Variants in LRRK2 observed in about 807,000 individuals in gnomAD.
The protein encoded by LRRK2 is leucine-rich repeat serine/threonine-protein kinase 2.
LRRK2 carries 203 observed loss-of-function variants against 302.6 expected under a neutral mutation model. The ratio of observed to expected loss-of-function variants is 0.67; its 90% CI spans 0.60 to 0.75. LRRK2 has a LOEUF of 0.75. Ranked by LOEUF, LRRK2 falls within the 30% of genes least tolerant of loss-of-function variation. The probability of loss-of-function intolerance (pLI) is 0.00; values close to 1 mark genes in which losing one functional copy is unlikely to be tolerated. For synonymous variants in LRRK2, 1,066 were observed against 1,031.9 expected (o/e 1.03, Z -0.63); for missense variants, 2,830 against 2,951.0 (o/e 0.96, Z 0.95).
chr12:40,327,827 C>T (rs924900759), intron 38 of LRRK2, among the ~76,000 whole-genome samples: 2 of 152,034 alleles, frequency 1.3e-5, no homozygotes, highest in Admixed American at 6.6e-5. Flanking sequence ...CACTGTTAGC[C>T]GTGGGGTTAG....
Position 40,369,044 on chromosome 12 carries a change from T to G in LRRK2, c.*1279T>G, listed in dbSNP as rs886049369. The G allele has an allele frequency of 6.6e-6, 1 of 151,840 alleles. No homozygotes were observed. The highest frequency in any genetic ancestry group is 1.5e-5 in the Non-Finnish European group (1 of 67,798). 9.4% of individuals were successfully genotyped at this position (151,840 alleles called of 1,614,324 possible). A position where few individuals can be genotyped will look rare whatever the true frequency, so the allele number is the denominator to read the frequency against. ...ATGGCATTTTACTATGTGAAAACTT[T>G]AAATTTATTTATATTAAGGGTAATC... On this transcript the variant is annotated 3_prime_UTR_variant, in exon 51 of 51. Transcript: ENST00000298910.
At chr12:40,310,153 G>A (rs1273483283) in intron 30 of LRRK2, among the ~76,000 whole-genome samples, 1 of 152,122 alleles carries the variant, frequency 6.6e-6, no homozygotes. Flanking sequence ...AAGGCATGAA[G>A]ATGGGAAAGG....
chr12:40,274,812 A>G, intron 15 of LRRK2, 42 bp from the exon 16 acceptor site: 1 of 1,609,486 alleles, frequency 6.2e-7, no homozygotes, highest in Non-Finnish European at 8.5e-7. Flanking sequence ...ATTTTTCTTC[A>G]GTTTTGAGAT....
chr12:40,249,706 GT>G (rs1203282750), intron 7 of LRRK2, 119 bp from the exon 8 acceptor site: 2 of 1,153,186 alleles, frequency 1.7e-6, no homozygotes, highest in Non-Finnish European at 2.5e-6. Flanking sequence ...TAAAGTAAAT[GT>G]TTTAATGCCA....
chr12:40,274,468 G>T (rs767472308), intron 14 of LRRK2, 115 bp from the exon 15 acceptor site: 78 of 1,076,670 alleles, frequency 7.2e-5, no homozygotes, highest in Non-Finnish European at 1.0e-4. Context: ...ACAAAATCAA[G>T]GATACTGATT....
chr12:40,339,396 T>G (rs1328831365), intron 40 of LRRK2, among the ~76,000 whole-genome samples: 6 of 152,200 alleles, frequency 3.9e-5, no homozygotes, highest in Admixed American at 2.0e-4. Context: ...ATAATAACAT[T>G]AGTAGCTGAG....
chr12:40,271,111 C>T (rs1943217268), intron 14 of LRRK2, among the ~76,000 whole-genome samples: 1 of 151,932 alleles, frequency 6.6e-6, no homozygotes, highest in Non-Finnish European at 1.5e-5. Context: ...ATTATTTTAG[C>T]TCTCTTCTTT....
chr12:40,300,028 A>C (rs1187353735), intron 25 of LRRK2, among the ~76,000 whole-genome samples: 1 of 152,192 alleles, frequency 6.6e-6, no homozygotes, highest in Non-Finnish European at 1.5e-5. Flanking sequence ...TAAACTAAAC[A>C]TGCACATGGC....
intron 50 of LRRK2, 106 bp downstream of exon 50, chr12:40,367,183 C>A (rs758931538): frequency 5.2e-6 from 5 of 966,398 alleles, no homozygotes; most frequent in Non-Finnish European, 6.3e-6. Flanking sequence ...ATGGTATAAT[C>A]AGGAATTTTA....
intron 46 of LRRK2, among the ~76,000 whole-genome samples, chr12:40,356,803 A>G (rs772657545): frequency 1.8e-4 from 28 of 152,236 alleles, no homozygotes; most frequent in Non-Finnish European, 3.2e-4. Flanking sequence ...TATTTCGAAT[A>G]TGACCTAAAT....
In LRRK2 at chr12:40,359,275, C is replaced by T. The variant is rs1592341377; in HGVS notation, c.6859C>T (p.Pro2287Ser). 3 of 1,610,348 alleles carry T rather than the reference C, an allele frequency of 1.9e-6. No homozygotes were observed. Among genetic ancestry groups the T allele is most frequent in the Middle Eastern group, 1.7e-4 (1 of 6,020 alleles). Residue 2287 changes from proline to serine, a missense_variant, in exon 47 of 51, where the codon CCT becomes TCT. By Grantham distance (74) the Pro-to-Ser change is moderately conservative. This residue lies in a region of LRRK2 where 456 missense variants were observed against 456.3 expected (regional missense o/e 1.00). Transcript: ENST00000298910. ...DKTVKLKGAAPLKILNIGNVS... is the reference protein window; with the variant it reads ...DKTVKLKGAASLKILNIGNVS... ...TTTGGCAAAGCTTAAAGGAGCTGCT[C>T]CTTTGAAGATACTAAATATAGGAAA...
chr12:40,365,311 A>G, intron 49 of LRRK2: 1 of 404,162 alleles, frequency 2.5e-6, no homozygotes. Context: ...TTTCCTTTTT[A>G]CCTAAGGCAA....
rs1243003525 is a variant in LRRK2, at chr12:40,259,549, A to G, written c.1488A>G (p.Thr496=). The G allele has an allele frequency of 6.2e-7, 1 of 1,613,428 alleles. No individual in the cohort carries two copies. The highest frequency in any genetic ancestry group is 1.1e-5 in the South Asian group (1 of 91,076). ...TAACAGTTATGAAACGTCATGAGAC[A>G]TCATTACCAGTGCAGCTGGAGGCGC... ...KILTVMKRHE[T]SLPVQLEALR... Residue 496 remains threonine (T), a synonymous_variant, in exon 13 of 51, where the codon ACA becomes ACG. Transcript: ENST00000298910.
chr12:40,326,707 G>A (rs1945564222), intron 38 of LRRK2, among the ~76,000 whole-genome samples: 1 of 151,802 alleles, frequency 6.6e-6, no homozygotes, highest in Non-Finnish European at 1.5e-5. Context: ...TCCCTCTTCT[G>A]TTTACCCGAT....
At chr12:40,346,710 C>T (rs778619155) in intron 41 of LRRK2, 43 bp from the exon 42 acceptor site, 2 of 1,589,632 alleles carry the variant, frequency 1.3e-6, no homozygotes, top group Non-Finnish European at 1.7e-6. Context: ...ATGTATGAGC[C>T]CTGATGTTGG....
At chr12:40,366,933 AACTTT>A in intron 49 of LRRK2, 68 bp from the exon 50 acceptor site, 1 of 1,118,180 alleles carries the variant, frequency 8.9e-7, no homozygotes, top group Non-Finnish European at 1.3e-6. Context: ...AACTATGAAC[AACTTT>A]ACTTTTTTTT....
rs1943374761 is a variant in LRRK2 at position 40,274,682 on chromosome 12, A to G, written c.1756A>G (p.Met586Val). The G allele has an allele frequency of 6.2e-7, 1 of 1,614,072 alleles. No individual in the cohort carries two copies. ...AGAGATGTTATCCCTGGAAGGTGCT[A>G]TGGATTCAGTGCTTCACACACTGCA... ...ALEMLSLEGA[M>V]DSVLHTLQMY... is the part of the protein sequence containing the mutation. The change falls in exon 15 of 51, where the codon ATG (methionine) becomes GTG (valine). Residue 586 changes from methionine (M) to valine (V), a missense_variant. Physicochemically the swap from Met to Val is conservative, Grantham distance 21. Coordinates refer to ENST00000298910, the MANE Select transcript of LRRK2 (RefSeq NM_198578.4).
intron 31 of LRRK2, chr12:40,312,892 G>T (rs955554488): frequency 4.6e-5 from 7 of 151,928 alleles, no homozygotes; most frequent in Admixed American, 3.3e-4. Context: ...CTAAGAGAGG[G>T]AACATGAAAA....
chr12:40,335,770 G>A (rs1945849860), intron 40 of LRRK2, among the ~76,000 whole-genome samples: 1 of 152,060 alleles, frequency 6.6e-6, no homozygotes, highest in Middle Eastern at 3.2e-3. Context: ...ATAAAATTAT[G>A]ATGACTTCTG....
Sources: gnomAD v4.1 joint callset for allele counts (sites outside exome capture counted in the v4.1 genomes callset) on GRCh38, gnomAD v4.1.1 for gene constraint, gnomAD v4.1.1 regional missense constraint, MANE v1.5 for transcripts, NCBI Gene and HGNC (gene_info 2026-07-23, HGNC 2026-07-21) for gene names.